Variants in CLEC16A observed in about 807,000 individuals in gnomAD.
The protein encoded by CLEC16A is C-type lectin domain containing 16A.
In CLEC16A, 51 loss-of-function variants were observed where a neutral mutation model predicts 109.5. The ratio of observed to expected loss-of-function variants is 0.47; its 90% CI spans 0.37 to 0.59. The LOEUF is 0.59. CLEC16A is among the 20% of genes least tolerant of loss of function. The pLI is 0.00. For synonymous variants in CLEC16A, 673 were observed against 564.2 expected, an observed-to-expected ratio of 1.19 and a Z score of -2.73; for missense variants, 1,339 against 1,394.0, an observed-to-expected ratio of 0.96 and a Z score of 0.63.
intron 13 of CLEC16A, among the ~76,000 whole-genome samples, chr16:11,025,725 G>A (rs2046369080): frequency 6.8e-6 from 1 of 146,170 alleles, no homozygotes; most frequent in Admixed American, 6.8e-5. Flanking sequence ...ATGGCTAGAG[G>A]CATTAGAACA....
At chr16:11,164,175 G>A (rs550937270) in intron 22 of CLEC16A, among the ~76,000 whole-genome samples, 6 of 152,144 alleles carry the variant, frequency 3.9e-5, no homozygotes, top group South Asian at 2.1e-4. Flanking sequence ...AGACCTCTGC[G>A]GTAGGTGCGG....
At chr16:10,988,112 C>T (rs1195544819) in intron 10 of CLEC16A, among the ~76,000 whole-genome samples, 3 of 152,172 alleles carry the variant, frequency 2.0e-5, no homozygotes, top group African/African-American at 4.8e-5. Context: ...GTGGGGAAAT[C>T]GAGTAGGACA....
intron 22 of CLEC16A, among the ~76,000 whole-genome samples, chr16:11,132,115 C>T (rs1463653393): frequency 6.6e-6 from 1 of 152,170 alleles, no homozygotes; most frequent in Non-Finnish European, 1.5e-5. Flanking sequence ...TGAAAGTGAA[C>T]AATTCAGTGG....
At chr16:11,170,435 C>G (rs1237078229) in intron 23 of CLEC16A, among the ~76,000 whole-genome samples, 1 of 152,224 alleles carries the variant, frequency 6.6e-6, no homozygotes, top group African/African-American at 2.4e-5. Flanking sequence ...AGCCTGCGTC[C>G]AGCTCAGGGG....
intron 7 of CLEC16A, among the ~76,000 whole-genome samples, chr16:10,975,671 G>A (rs1247834366): frequency 1.3e-5 from 2 of 151,726 alleles, no homozygotes; most frequent in East Asian, 3.9e-4. Flanking sequence ...TTTTTGAGAT[G>A]GAGTCTTGCT....
chr16:10,981,867 G>A (rs935266290), intron 9 of CLEC16A, among the ~76,000 whole-genome samples: 1 of 152,164 alleles, frequency 6.6e-6, no homozygotes, highest in Non-Finnish European at 1.5e-5. Context: ...CAGTGTCTGG[G>A]GAGATGCATT....
chr16:11,077,846 C>T (rs549993998), intron 19 of CLEC16A, among the ~76,000 whole-genome samples: 32 of 151,144 alleles, frequency 2.1e-4, no homozygotes, highest in African/African-American at 6.3e-4. Flanking sequence ...TGGCTAGGCG[C>T]GGTGGCTCAT....
At chr16:11,135,677 G>T (rs1031771960) in intron 22 of CLEC16A, among the ~76,000 whole-genome samples, 6 of 152,254 alleles carry the variant, frequency 3.9e-5, no homozygotes, top group African/African-American at 1.4e-4. Context: ...AGCCCGTGCA[G>T]TAGGTGGGGG....
intron 19 of CLEC16A, among the ~76,000 whole-genome samples, chr16:11,097,322 T>G (rs1186901919): frequency 6.6e-6 from 1 of 152,200 alleles, no homozygotes; most frequent in African/African-American, 2.4e-5. Flanking sequence ...CCCTTACCAA[T>G]TTTCTTATCT....
intron 19 of CLEC16A, among the ~76,000 whole-genome samples, chr16:11,080,913 T>C (rs1359942671): frequency 1.3e-5 from 2 of 152,158 alleles, no homozygotes; most frequent in Non-Finnish European, 2.9e-5. Flanking sequence ...TGAAATCCCT[T>C]TTGTAAGGTA....
chr16:11,030,428 A>T (rs886648765), intron 13 of CLEC16A, among the ~76,000 whole-genome samples: 1 of 152,142 alleles, frequency 6.6e-6, no homozygotes, highest in African/African-American at 2.4e-5. Flanking sequence ...CCTTTCCAAC[A>T]TTTGGTGTGG....
chr16:11,091,822 G>C (rs1199929255), intron 19 of CLEC16A, among the ~76,000 whole-genome samples: 1 of 152,066 alleles, frequency 6.6e-6, no homozygotes, highest in Non-Finnish European at 1.5e-5. Context: ...GTAACCCACG[G>C]GTAGCTGAAC....
chr16:11,005,848 G>A lies in CLEC16A; in HGVS notation c.1303+2543G>A, dbSNP rs565306743. Among the ~76,000 whole-genome samples the A allele has an allele frequency of 6.9e-4, 105 of 152,198 alleles. No homozygotes were observed. The Middle Eastern group carries it at 0.01, about 15-fold the overall frequency. ...GCCTAGAAGATGCGAGATCTGACTC[G>A]CAGTCATGTCTCAGCATCTAGGTTT... On this transcript the variant is annotated intron_variant, in intron 11 of 23. Coordinates refer to ENST00000409790, the MANE Select transcript of CLEC16A (RefSeq NM_015226.3).
intron 16 of CLEC16A, chr16:11,044,327 T>G (rs1427206321): frequency 1.2e-5 from 4 of 321,338 alleles, no homozygotes; most frequent in African/African-American, 2.1e-5. Flanking sequence ...AATACATGGA[T>G]TTGGTTATTT....
At chr16:10,988,793 C>G (rs1170520434) in intron 10 of CLEC16A, among the ~76,000 whole-genome samples, 1 of 152,130 alleles carries the variant, frequency 6.6e-6, no homozygotes, top group Non-Finnish European at 1.5e-5. Context: ...GTGAGAATAG[C>G]AAACATGGGT....
intron 12 of CLEC16A, among the ~76,000 whole-genome samples, chr16:11,022,120 T>C (rs1292698767): frequency 6.6e-6 from 1 of 152,150 alleles, no homozygotes; most frequent in Non-Finnish European, 1.5e-5. Context: ...GCTGATTCAG[T>C]TGCCTTGAGT....
chr16:10,991,200 G>A (rs1230972290), intron 10 of CLEC16A, among the ~76,000 whole-genome samples: 1 of 152,086 alleles, frequency 6.6e-6, no homozygotes, highest in Non-Finnish European at 1.5e-5. Flanking sequence ...AATGCTCGGA[G>A]GCTGGAGTGT....
At chr16:10,991,511 G>A (rs1596931286) in intron 10 of CLEC16A, among the ~76,000 whole-genome samples, 1 of 152,030 alleles carries the variant, frequency 6.6e-6, no homozygotes, top group Non-Finnish European at 1.5e-5. Flanking sequence ...ACAGCAAAGG[G>A]CAATGTGGCA....
chr16:11,063,125 G>A (rs1453917948), intron 19 of CLEC16A, among the ~76,000 whole-genome samples: 1 of 152,110 alleles, frequency 6.6e-6, no homozygotes, highest in African/African-American at 2.4e-5. Context: ...CATTAAGAAA[G>A]TAATGGCTGT....
Sources: gnomAD v4.1 joint callset for allele counts (sites outside exome capture counted in the v4.1 genomes callset) on GRCh38, gnomAD v4.1.1 for gene constraint, MANE v1.5 for transcripts, NCBI Gene and HGNC (gene_info 2026-07-23, HGNC 2026-07-21) for gene names.